CUX2: variants seen among roughly 807,000 people sequenced by gnomAD.
CUX2 encodes homeobox protein cut-like 2.
In CUX2, 40 loss-of-function variants were observed where a neutral mutation model predicts 144.8. The observed-to-expected ratio is 0.28, with a 90% CI of 0.21 to 0.36. CUX2 has a LOEUF of 0.36. CUX2 is among the 10% of genes least tolerant of loss of function. The pLI is 1.00. For missense variants in CUX2, 1,615 were observed against 1,994.0 expected, an observed-to-expected ratio of 0.81 and a Z score of 3.62; for synonymous variants, 827 against 875.6, an observed-to-expected ratio of 0.94 and a Z score of 0.98.
chr12:111,139,923 C>T (rs912870822), intron 1 of CUX2, among the ~76,000 whole-genome samples: 7 of 152,122 alleles, frequency 4.6e-5, no homozygotes, highest in East Asian at 3.9e-4. Context: ...CTGAACTAGC[C>T]GTGTGACCTT....
intron 1 of CUX2, among the ~76,000 whole-genome samples, chr12:111,110,224 A>T (rs1873859398): frequency 6.6e-6 from 1 of 152,116 alleles, no homozygotes. Flanking sequence ...CCCATAGACA[A>T]CCAAGGCCAC....
At chr12:111,146,008 G>A (rs1350931402) in intron 1 of CUX2, among the ~76,000 whole-genome samples, 2 of 152,096 alleles carry the variant, frequency 1.3e-5, no homozygotes, top group African/African-American at 4.8e-5. Context: ...CCCGGCCCTG[G>A]CTATTTATTT....
intron 9 of CUX2, among the ~76,000 whole-genome samples, chr12:111,301,635 G>C (rs975347949): frequency 2.0e-5 from 3 of 152,064 alleles, no homozygotes; most frequent in African/African-American, 7.2e-5. Context: ...CTCCCAAGTA[G>C]CAAGGACTAC....
At chr12:111,110,026 C>T (rs1168322482) in intron 1 of CUX2, among the ~76,000 whole-genome samples, 1 of 151,776 alleles carries the variant, frequency 6.6e-6, no homozygotes, top group Non-Finnish European at 1.5e-5. Context: ...CAGGTGCCCA[C>T]CACCACACTC....
At chr12:111,080,199 A>AGTT (rs1871802339) in intron 1 of CUX2, among the ~76,000 whole-genome samples, 1 of 152,084 alleles carries the variant, frequency 6.6e-6, no homozygotes, top group Non-Finnish European at 1.5e-5. Flanking sequence ...GTCTTTCAGA[A>AGTT]GTTACCTTCA....
intron 3 of CUX2, among the ~76,000 whole-genome samples, chr12:111,221,421 C>G (rs947359617): frequency 1.3e-5 from 2 of 152,130 alleles, no homozygotes; most frequent in East Asian, 3.9e-4. Flanking sequence ...TTTAATGAGG[C>G]CTCATCCTTT....
intron 3 of CUX2, among the ~76,000 whole-genome samples, chr12:111,249,430 A>T (rs1475537626): frequency 6.1e-5 from 8 of 130,648 alleles, no homozygotes; most frequent in South Asian, 2.4e-4. Flanking sequence ...TTTTAAATTA[A>T]TAGACCCTTT....
rs1265699029 is a variant in CUX2 at position 111,277,755 on chromosome 12, A to G, written c.302-13663A>G. On this transcript the variant is annotated intron_variant, in intron 4 of 21. Transcript: ENST00000261726. This position sits in a 1 kb window ranked among gnomAD's most constrained non-coding sequence, Gnocchi z 5.0. ...AAGAAATGCTGTCAACACGTAGTGG[A>G]CTGGTGGCTAAATGACGACTGCATT... is the stretch of plus-strand genomic sequence containing the variant. Among the ~76,000 whole-genome samples, 1 of 152,216 alleles carries G rather than the reference A, an allele frequency of 6.6e-6. No individual in the cohort carries two copies. Among genetic ancestry groups the G allele is most frequent in the Non-Finnish European group, 1.5e-5 (1 of 68,036 alleles).
chr12:111,215,456 A>G (rs777392467), intron 2 of CUX2, among the ~76,000 whole-genome samples: 6 of 152,228 alleles, frequency 3.9e-5, no homozygotes, highest in Admixed American at 1.3e-4. Flanking sequence ...AGAAGGGACT[A>G]GGATCTAGCT....
intron 1 of CUX2, among the ~76,000 whole-genome samples, chr12:111,170,537 C>T (rs1878451805): frequency 6.7e-6 from 1 of 148,796 alleles, no homozygotes; most frequent in African/African-American, 2.5e-5. Flanking sequence ...TGCACACCCC[C>T]AGCTCTTCTT....
intron 3 of CUX2, among the ~76,000 whole-genome samples, chr12:111,237,648 C>T (rs947653951): frequency 3.3e-5 from 5 of 152,204 alleles, no homozygotes; most frequent in African/African-American, 1.2e-4. Context: ...TTTAAAACCT[C>T]TGGGAACTTC....
chr12:111,316,449 C>CTTTTT lies in CUX2; in HGVS notation c.2003-3549_2003-3545dup, dbSNP rs35751838. The stretch of plus-strand genomic sequence containing the variant: ...GCTTGAGCCACCGCGCCCGGCACTT[C>CTTTTT]TTTTTTTTTTTTTTTTTTGACAGAG... On this transcript the variant is annotated intron_variant, in intron 16 of 21. Transcript: ENST00000261726. 1.8e-5 allele frequency among the ~76,000 whole-genome samples: 2 copies of CTTTTT among 113,334 alleles called. 1 individual carries two copies. The highest frequency in any genetic ancestry group is 7.4e-5 in the African/African-American group (2 of 27,002). 74.4% of individuals were successfully genotyped at this position (113,334 alleles called of 152,430 possible).
chr12:111,263,960 G>A lies in CUX2; in HGVS notation c.301+121G>A. The A allele has an allele frequency of 1.1e-6, 1 of 920,684 alleles. No homozygotes were observed. The highest frequency in any genetic ancestry group is 1.8e-6 in the Non-Finnish European group (1 of 566,890). The allele number at this position is 920,684 out of a possible 1,614,324, so 57.0% of individuals were successfully genotyped here. On this transcript the variant is annotated intron_variant, in intron 4 of 21. Transcript: ENST00000261726. The surrounding 1 kb of genome is among the most constrained non-coding windows in gnomAD (Gnocchi z 4.0). Reference sequence around the variant, plus strand: ...TGCCTGGGCTCCTGGGTGAGGCCAGGCACTCTGTATAGGGCAGGGGGAGCT... The same window carrying A: ...TGCCTGGGCTCCTGGGTGAGGCCAGACACTCTGTATAGGGCAGGGGGAGCT...
chr12:111,325,104 T>C (rs141809106), intron 18 of CUX2, among the ~76,000 whole-genome samples: 4,131 of 147,950 alleles, frequency 0.028, 174 homozygotes, highest in East Asian at 0.098. Context: ...GCTAACTCGG[T>C]GAAACCCGTC....
At chr12:111,161,699 A>G (rs1877779587) in intron 1 of CUX2, among the ~76,000 whole-genome samples, 1 of 152,164 alleles carries the variant, frequency 6.6e-6, no homozygotes, top group African/African-American at 2.4e-5. Flanking sequence ...CTTAGCTCTC[A>G]CACTCTATGC....
At chr12:111,127,135 G>GGA (rs1232222442) in intron 1 of CUX2, among the ~76,000 whole-genome samples, 1 of 152,198 alleles carries the variant, frequency 6.6e-6, no homozygotes, top group Non-Finnish European at 1.5e-5. Context: ...CAAATAAGGA[G>GGA]GAAATACTCA....
At chr12:111,199,520 G>A (rs181641047) in intron 1 of CUX2, among the ~76,000 whole-genome samples, 194 of 152,296 alleles carry the variant, frequency 1.3e-3, no homozygotes, top group African/African-American at 4.1e-3. Context: ...GGGAATGTGC[G>A]TGCCCTGCAT....
Position 111,277,656 on chromosome 12 carries a change from A to G in CUX2, c.302-13762A>G, listed in dbSNP as rs1884941462. Among the ~76,000 whole-genome samples the G allele has an allele frequency of 3.9e-5, 6 of 151,900 alleles. No individual in the cohort carries two copies. Among genetic ancestry groups the G allele is most frequent in the Admixed American group, 3.3e-4 (5 of 15,262 alleles). Reference sequence around the variant, plus strand: ...CCCAGGAGGGCAGGAATTTTCTATCATTTCCTGCTGGACCTCCACGGCCCA... The same window carrying G: ...CCCAGGAGGGCAGGAATTTTCTATCGTTTCCTGCTGGACCTCCACGGCCCA... On this transcript the variant is annotated intron_variant, in intron 4 of 21. Transcript: ENST00000261726. This position sits in a 1 kb window ranked among gnomAD's most constrained non-coding sequence, Gnocchi z 5.0.
At chr12:111,110,537 C>T (rs1411838221) in intron 1 of CUX2, among the ~76,000 whole-genome samples, 1 of 152,216 alleles carries the variant, frequency 6.6e-6, no homozygotes, top group Non-Finnish European at 1.5e-5. Context: ...ACTCACATTT[C>T]ATTTTTATAT....
Sources: allele counts gnomAD v4.1 joint callset (sites outside exome capture counted in the v4.1 genomes callset), GRCh38; gene constraint gnomAD v4.1.1; non-coding constraint Gnocchi (gnomAD v3.1); transcripts MANE v1.5; gene names NCBI Gene and HGNC (gene_info 2026-07-23, HGNC 2026-07-21).